The following MCF2L variants were observed in gnomAD, a reference collection of about 807,000 sequenced individuals.
MCF2L encodes guanine nucleotide exchange factor DBS.
MCF2L carries 97 observed loss-of-function variants against 153.4 expected under a neutral mutation model. The ratio of observed to expected loss-of-function variants is 0.63; its 90% CI spans 0.54 to 0.75. MCF2L has a LOEUF of 0.75. Ranked by LOEUF, MCF2L falls within the 30% of genes least tolerant of loss-of-function variation. MCF2L has a pLI of 0.00. For missense variants in MCF2L, 1,347 were observed against 1,495.2 expected (o/e 0.90, Z 1.64); for synonymous variants, 659 against 632.2 (o/e 1.04, Z -0.64).
chr13:112,941,738 T>A lies in MCF2L; in HGVS notation c.169+39367T>A, dbSNP rs2140668317. Among the ~76,000 whole-genome samples, 1 of 152,328 alleles carries A rather than the reference T, an allele frequency of 6.6e-6. No homozygotes were observed. The highest frequency in any genetic ancestry group is 1.5e-5 in the Non-Finnish European group (1 of 68,032). ...AGAATAGTTATACTAGATATCGATCTTAGATGTGATTATATATGAATATCA... is the reference window on the plus strand; with the variant it reads ...AGAATAGTTATACTAGATATCGATCATAGATGTGATTATATATGAATATCA... On this transcript the variant is annotated intron_variant, in intron 2 of 29. Transcript: ENST00000375608. This position sits in a 1 kb window ranked among gnomAD's most constrained non-coding sequence, Gnocchi z 4.9.
At chr13:112,959,623 G>T (rs1191026975) in intron 2 of MCF2L, among the ~76,000 whole-genome samples, 2 of 152,104 alleles carry the variant, frequency 1.3e-5, no homozygotes, top group African/African-American at 4.8e-5. Flanking sequence ...GTTTCCATGC[G>T]TTTGACTTCT....
At chr13:112,977,042 G>T (rs2140875844) in intron 1 of MCF2L, among the ~76,000 whole-genome samples, 1 of 152,240 alleles carries the variant, frequency 6.6e-6, no homozygotes, top group East Asian at 1.9e-4. Flanking sequence ...ACCCAGGTGT[G>T]CACGGCGGCT....
intron 1 of MCF2L, among the ~76,000 whole-genome samples, chr13:112,996,277 A>G (rs993055316): frequency 3.3e-5 from 5 of 152,172 alleles, no homozygotes; most frequent in Non-Finnish European, 1.5e-5. Context: ...CCGAGATCGC[A>G]TTATTCCACT....
At chr13:112,900,269 TCCTCAGGTCTGTGCC>T (rs2081107235) in intron 1 of MCF2L, among the ~76,000 whole-genome samples, 1 of 152,234 alleles carries the variant, frequency 6.6e-6, no homozygotes, top group Non-Finnish European at 1.5e-5. Context: ...CGCCAGGTTG[TCCTCAGGTCTGTGCC>T]CCTCCCGGAC....
chr13:113,091,008 C>A, intron 26 of MCF2L: 1 of 1,266,044 alleles, frequency 7.9e-7, no homozygotes, highest in Non-Finnish European at 1.0e-6. Context: ...TGGAAAGGGG[C>A]CACAACGTCG....
In MCF2L at chr13:113,095,376, G is replaced by C. The variant is rs578010150; in HGVS notation, c.3075+741G>C. On this transcript the variant is annotated intron_variant, in intron 27 of 29. Transcript: ENST00000535094. ...CTGGCCTCTCCCACAGAGACAGCAT[G>C]AAGGAAGGCCTGGGCGTGAGAACAG... 5.3e-6 allele frequency: 6 copies of C among 1,130,586 alleles called. No individual in the cohort carries two copies. The East Asian group carries it at 3.8e-4, about 72-fold the overall frequency. The allele number at this position is 1,130,586 out of a possible 1,614,324, so 70.0% of individuals were successfully genotyped here. A position where few individuals can be genotyped will look rare whatever the true frequency, so the allele number is the denominator to read the frequency against.
intron 4 of MCF2L, among the ~76,000 whole-genome samples, chr13:113,050,357 A>G (rs2087156464): frequency 6.6e-6 from 1 of 151,562 alleles, no homozygotes; most frequent in Non-Finnish European, 1.5e-5. Context: ...TAGAGTATAT[A>G]TATTCATGTT....
intron 1 of MCF2L, among the ~76,000 whole-genome samples, chr13:112,900,322 G>C (rs537212751): frequency 1.9e-4 from 29 of 152,354 alleles, no homozygotes; most frequent in Admixed American, 1.6e-3. Context: ...GCAGGTGCCC[G>C]GACAAGGTGG....
chr13:113,020,175 A>G (rs552600832), intron 2 of MCF2L, among the ~76,000 whole-genome samples: 1 of 152,348 alleles, frequency 6.6e-6, no homozygotes, highest in African/African-American at 2.4e-5. Context: ...TCTACCCGAC[A>G]GTTAACTTAG....
chr13:112,992,415 G>C (rs2082929341), intron 1 of MCF2L, among the ~76,000 whole-genome samples: 1 of 152,156 alleles, frequency 6.6e-6, no homozygotes, highest in Non-Finnish European at 1.5e-5. Flanking sequence ...GTCGGAATGT[G>C]CCCGACTTCC....
At chr13:112,990,239 T>G (rs1349896154) in intron 1 of MCF2L, among the ~76,000 whole-genome samples, 1 of 152,230 alleles carries the variant, frequency 6.6e-6, no homozygotes, top group Non-Finnish European at 1.5e-5. Flanking sequence ...CACTTTCTTA[T>G]GTTTAAAGAC....
intron 3 of MCF2L, among the ~76,000 whole-genome samples, chr13:113,032,317 G>A (rs1397517869): frequency 1.3e-5 from 2 of 152,220 alleles, no homozygotes; most frequent in Non-Finnish European, 2.9e-5. Flanking sequence ...GACAGGAAGT[G>A]TCTGTGAGCG....
At chr13:113,023,351 T>C (rs1398331192) in intron 2 of MCF2L, among the ~76,000 whole-genome samples, 1 of 152,204 alleles carries the variant, frequency 6.6e-6, no homozygotes, top group Non-Finnish European at 1.5e-5. Flanking sequence ...AGCCCTGTAC[T>C]GAGGAGACGC....
intron 2 of MCF2L, among the ~76,000 whole-genome samples, chr13:113,024,067 G>A (rs756540779): frequency 2.2e-4 from 33 of 152,228 alleles, no homozygotes; most frequent in Admixed American, 1.6e-3. Flanking sequence ...GTCAGTGGCC[G>A]GCTCCAGCAG....
intron 1 of MCF2L, among the ~76,000 whole-genome samples, chr13:112,896,328 C>T (rs1321673551): frequency 6.6e-6 from 1 of 152,138 alleles, no homozygotes; most frequent in Non-Finnish European, 1.5e-5. Context: ...ATGGGTGGTC[C>T]CAGTCACCTC....
intron 3 of MCF2L, among the ~76,000 whole-genome samples, chr13:113,037,630 T>C (rs1271533616): frequency 6.6e-6 from 1 of 152,136 alleles, no homozygotes; most frequent in Non-Finnish European, 1.5e-5. Context: ...AAAACCTGGG[T>C]AAAATTTTGT....
intron 2 of MCF2L, among the ~76,000 whole-genome samples, chr13:112,912,327 T>C (rs528586108): frequency 6.6e-6 from 1 of 152,272 alleles, no homozygotes; most frequent in East Asian, 1.9e-4. Flanking sequence ...TATTCCTTTT[T>C]TTTTTTTAGA....
At chr13:113,049,227 T>C (rs751125130) in intron 4 of MCF2L, among the ~76,000 whole-genome samples, 2 of 151,986 alleles carry the variant, frequency 1.3e-5, no homozygotes, top group Non-Finnish European at 2.9e-5. Flanking sequence ...TAGGAGCTGG[T>C]TGTGCATGTG....
chr13:112,931,736 C>T (rs1289527143), intron 2 of MCF2L, among the ~76,000 whole-genome samples: 1 of 152,044 alleles, frequency 6.6e-6, no homozygotes, highest in Non-Finnish European at 1.5e-5. Flanking sequence ...AGGAAGTATG[C>T]AAGATGAGAC....
Sources: allele counts gnomAD v4.1 joint callset (sites outside exome capture counted in the v4.1 genomes callset), GRCh38; gene constraint gnomAD v4.1.1; non-coding constraint Gnocchi (gnomAD v3.1); transcripts MANE v1.5; gene names NCBI Gene and HGNC (gene_info 2026-07-23, HGNC 2026-07-21).